PHTF2: variants seen among roughly 807,000 people sequenced by gnomAD.
The protein encoded by PHTF2 is putative homeodomain transcription factor 2, also known as protein PHTF2.
Under a neutral mutation model 101.2 loss-of-function variants are expected in PHTF2, and 60 were observed. That is an observed-to-expected ratio of 0.59 (90% confidence interval 0.48 to 0.73). PHTF2 has a LOEUF of 0.73. PHTF2 is among the 30% of genes least tolerant of loss of function. PHTF2 has a pLI of 0.00. For missense variants in PHTF2, 747 were observed against 908.7 expected (o/e 0.82, Z 2.29); for synonymous variants, 311 against 307.3 (o/e 1.01, Z -0.13).
intron 3 of PHTF2, among the ~76,000 whole-genome samples, chr7:77,868,653 A>G (rs756166800): frequency 2.2e-4 from 34 of 152,248 alleles, no homozygotes; most frequent in South Asian, 1.5e-3. Flanking sequence ...AAGAATAGCA[A>G]TTTCCACAAA....
intron 9 of PHTF2, among the ~76,000 whole-genome samples, chr7:77,913,419 A>G (rs1802598244): frequency 6.6e-6 from 1 of 151,668 alleles, no homozygotes; most frequent in Non-Finnish European, 1.5e-5. Flanking sequence ...GAAATCAATT[A>G]TATTTCCTAA....
chr7:77,819,327 A>C (rs2150512597), intron 1 of PHTF2, among the ~76,000 whole-genome samples: 1 of 152,348 alleles, frequency 6.6e-6, no homozygotes, highest in South Asian at 2.1e-4. Flanking sequence ...GTCAGAGGAA[A>C]CACTTTTGGC....
At chr7:77,877,708 C>T (rs1438240387) in intron 3 of PHTF2, among the ~76,000 whole-genome samples, 1 of 152,200 alleles carries the variant, frequency 6.6e-6, no homozygotes, top group East Asian at 1.9e-4. Flanking sequence ...CTTTTCACCA[C>T]ATGCGTAAAC....
chr7:77,944,703 T>C (rs1805901974), intron 16 of PHTF2, among the ~76,000 whole-genome samples: 1 of 152,156 alleles, frequency 6.6e-6, no homozygotes, highest in Admixed American at 6.5e-5. Flanking sequence ...GGATTAGATC[T>C]CCAGCTATTT....
chr7:77,931,550 CA>C (rs1388243713), intron 12 of PHTF2, among the ~76,000 whole-genome samples: 2 of 152,084 alleles, frequency 1.3e-5, no homozygotes, highest in Non-Finnish European at 2.9e-5. Context: ...ATCAAATTGT[CA>C]AAATTTAAAA....
At chr7:77,897,043 G>A (rs1036060267) in intron 5 of PHTF2, among the ~76,000 whole-genome samples, 15 of 151,854 alleles carry the variant, frequency 9.9e-5, no homozygotes, top group Admixed American at 4.6e-4. Flanking sequence ...TCTGATTACC[G>A]TGACCAAAAT....
At chr7:77,910,512 C>A in intron 9 of PHTF2, 103 bp downstream of exon 8, 1 of 758,556 alleles carries the variant, frequency 1.3e-6, no homozygotes, top group Non-Finnish European at 2.1e-6. Context: ...AATGTGACAG[C>A]CTCATTATGG....
chr7:77,877,136 G>C (rs1308934238), intron 3 of PHTF2, among the ~76,000 whole-genome samples: 1 of 136,860 alleles, frequency 7.3e-6, no homozygotes, highest in Non-Finnish European at 1.6e-5. Flanking sequence ...TTTTTTTTGA[G>C]ACAGAGTTTC....
chr7:77,803,574 T>C (rs115179765), intron 1 of PHTF2, among the ~76,000 whole-genome samples: 3,161 of 152,256 alleles, frequency 0.021, 90 homozygotes, highest in African/African-American at 0.071. Flanking sequence ...TTACCTACTT[T>C]GCGAGATTTT....
chr7:77,824,763 TG>T (rs1482640546), intron 1 of PHTF2, among the ~76,000 whole-genome samples: 1 of 152,140 alleles, frequency 6.6e-6, no homozygotes, highest in Non-Finnish European at 1.5e-5. Flanking sequence ...GCAAGCACAG[TG>T]GCTTACTCCT....
chr7:77,805,835 A>G (rs1442020189), intron 1 of PHTF2, among the ~76,000 whole-genome samples: 1 of 152,238 alleles, frequency 6.6e-6, no homozygotes, highest in African/African-American at 2.4e-5. Context: ...GCTTTGGCAA[A>G]TGATTCATTC....
chr7:77,899,341 G>A (rs571496257), intron 5 of PHTF2, among the ~76,000 whole-genome samples: 45 of 152,054 alleles, frequency 3.0e-4, no homozygotes, highest in African/African-American at 9.9e-4. Flanking sequence ...GAACATGCAC[G>A]TTGGGTGACT....
intron 1 of PHTF2, among the ~76,000 whole-genome samples, chr7:77,833,416 A>G (rs1033405876): frequency 4.1e-4 from 63 of 152,296 alleles, no homozygotes; most frequent in Non-Finnish European, 2.8e-4. Context: ...TTGGAATGGA[A>G]TAATAATATG....
intron 1 of PHTF2, among the ~76,000 whole-genome samples, chr7:77,816,430 A>G (rs1404580983): frequency 6.6e-6 from 1 of 152,176 alleles, no homozygotes; most frequent in East Asian, 1.9e-4. Flanking sequence ...GGACAGATAC[A>G]TGTTTCATTT....
intron 3 of PHTF2, among the ~76,000 whole-genome samples, chr7:77,880,121 GT>G (rs1799284260): frequency 6.6e-6 from 1 of 152,022 alleles, no homozygotes; most frequent in African/African-American, 2.4e-5. Flanking sequence ...TTATTTTCCT[GT>G]TTTCATGTAA....
chr7:77,839,978 C>T (rs1278022589), intron 1 of PHTF2, among the ~76,000 whole-genome samples: 3 of 152,154 alleles, frequency 2.0e-5, no homozygotes, highest in African/African-American at 7.2e-5. Flanking sequence ...AAAATTCAAT[C>T]TATTTTGTAA....
intron 5 of PHTF2, among the ~76,000 whole-genome samples, chr7:77,896,897 A>T (rs1800922682): frequency 6.6e-6 from 1 of 152,214 alleles, no homozygotes; most frequent in Non-Finnish European, 1.5e-5. Flanking sequence ...AAAGACATGA[A>T]AATATATTTT....
chr7:77,886,950 G>A (rs1799906644), intron 3 of PHTF2, among the ~76,000 whole-genome samples: 1 of 151,930 alleles, frequency 6.6e-6, no homozygotes, highest in Admixed American at 6.6e-5. Context: ...GGAGGCTGAG[G>A]TGGGAGGATT....
chr7:77,940,636 C>G, exon 15 of PHTF2: 1 of 1,605,764 alleles, frequency 6.2e-7, no homozygotes, highest in Non-Finnish European at 8.5e-7. Context: ...AAAAATGTGG[C>G]TATCTCTCCG....
Sources: gnomAD v4.1 joint callset for allele counts (sites outside exome capture counted in the v4.1 genomes callset) on GRCh38, gnomAD v4.1.1 for gene constraint, MANE v1.5 for transcripts, NCBI Gene and HGNC (gene_info 2026-07-23, HGNC 2026-07-21) for gene names.